Variants in RTKN observed in about 807,000 individuals in gnomAD.
RTKN encodes the protein rhotekin.
RTKN carries 49 observed loss-of-function variants against 63.5 expected under a neutral mutation model. The ratio of observed to expected loss-of-function variants is 0.77; its 90% confidence interval spans 0.61 to 0.98. The LOEUF is 0.98. Ranked by LOEUF, RTKN falls within the 50% of genes least tolerant of loss-of-function variation. The pLI, the probability that RTKN is intolerant of heterozygous loss-of-function variation, is 0.00. For synonymous variants in RTKN, 295 were observed against 290.4 expected, an observed-to-expected ratio of 1.02 and a Z score of -0.16; for missense variants, 685 against 740.8, an observed-to-expected ratio of 0.92 and a Z score of 0.87.
In RTKN at chr2:74,439,734, G is replaced by C. The variant is rs80031327; in HGVS notation, c.111+1972C>G. ...CACTGTTCCCTCAGTCTTTAAAGAG[G>C]TGGCCAGCTCTTGGGCAGAGGGCAG... On this transcript the variant is annotated intron_variant, in intron 1 of 11. Transcript: ENST00000272430. The C allele has an allele frequency of 1.8e-4, 282 of 1,542,106 alleles. No homozygotes were observed. In the African/African-American group the frequency reaches 3.4e-3, roughly 19 times the overall value.
At position 74,428,965 on chromosome 2, in the gene RTKN, T is replaced by TC. The variant is rs753259845; in HGVS notation, c.756-24dup. On this transcript the variant is annotated intron_variant, in intron 6 of 11. Transcript: ENST00000272430. Reference sequence around the variant, plus strand: ...CCACTGAGGGAGATAGGAGAGAGCATCAGCCAAGGGAGGGGCATGTTGGCC... The same window carrying TC: ...CCACTGAGGGAGATAGGAGAGAGCATCCAGCCAAGGGAGGGGCATGTTGGCC... 2.5e-6 allele frequency: 4 copies of TC among 1,594,454 alleles called. No homozygotes were observed. In the South Asian group the frequency reaches 4.4e-5, roughly 18 times the overall value.
intron 9 of RTKN, 88 bp downstream of exon 9, chr2:74,428,180 C>G: frequency 6.3e-7 from 1 of 1,576,880 alleles, no homozygotes; most frequent in Non-Finnish European, 8.7e-7. Context: ...TTCTATCTCT[C>G]TGAGGTATGT....
intron 1 of RTKN, chr2:74,439,974 C>G (rs952237375): frequency 9.2e-6 from 10 of 1,092,308 alleles, no homozygotes; most frequent in Non-Finnish European, 1.1e-5. Context: ...AGCTGTTCTC[C>G]CAGCTGTGGA....
chr2:74,426,649 A>C, intron 11 of RTKN, 75 bp from the exon 12 acceptor site: 3 of 1,486,982 alleles, frequency 2.0e-6, no homozygotes, highest in African/African-American at 1.4e-5. Flanking sequence ...CAGCCCTATC[A>C]CCTGTCACTG....
At position 74,432,507 on chromosome 2, in the gene RTKN, G is replaced by A. The variant is rs767619950; in HGVS notation, c.271C>T (p.Arg91Trp). ...RILSYMGELQ[R>W]RKEAQVLGKT... is the part of the protein sequence containing the mutation. ...CCCAGCACCTGCGCCTCCTTGCGCC[G>A]CTGCAGCTCGCCCATGTAGCTGAGG... Residue 91 changes from arginine to tryptophan, a missense_variant, in exon 2 of 12, where the codon CGG becomes TGG. Coordinates refer to ENST00000272430, the MANE Select transcript of RTKN (RefSeq NM_001015055.2). 1.9e-5 allele frequency: 30 copies of A among 1,612,970 alleles called. No individual in the cohort carries two copies. The highest frequency in any genetic ancestry group is 6.7e-5 in the East Asian group (3 of 44,878).
intron 6 of RTKN, among the ~76,000 whole-genome samples, chr2:74,429,406 A>T (rs1670609493): frequency 6.6e-6 from 1 of 152,122 alleles, no homozygotes; most frequent in African/African-American, 2.4e-5. Context: ...GCTCCAACCA[A>T]GAAGCTCTGC....
Position 74,441,916 on chromosome 2 carries a change from C to G in RTKN, c.-100G>C. On this transcript the variant is annotated 5_prime_UTR_variant, in exon 1 of 12. Transcript: ENST00000272430. ...TGTCTCTCGACGCTCGTCCGCCAGT[C>G]CGGCCGGGAATCTCCCGCTGCGGGG... 1.4e-6 allele frequency: 1 copy of G among 730,042 alleles called. No homozygotes were observed. The highest frequency in any genetic ancestry group is 2.3e-6 in the Non-Finnish European group (1 of 436,372). The allele number at this position is 730,042 out of a possible 1,614,324, so 45.2% of individuals were successfully genotyped here.
At chr2:74,432,946 T>TA (rs1198421873) in intron 1 of RTKN, among the ~76,000 whole-genome samples, 1 of 151,806 alleles carries the variant, frequency 6.6e-6, no homozygotes, top group African/African-American at 2.4e-5. Flanking sequence ...ACCCCACCTC[T>TA]AAAAAAATAT....
intron 6 of RTKN, 59 bp from the exon 7 acceptor site, chr2:74,429,001 C>CT (rs1446038107): frequency 2.9e-6 from 4 of 1,382,912 alleles, no homozygotes; most frequent in Admixed American, 1.7e-5. Context: ...AGCAGGAACT[C>CT]TAAGGGCTGA....
In RTKN at chr2:74,426,363, G is replaced by T. The variant is rs1294165598; in HGVS notation, c.1572C>A (p.Val524=). ...GAGCCCTAGGGGAGTGGTCTGGGGG[G>T]ACAGCATCCAGGGAAAAGGTTCGGG... ...GRPRTFSLDA[V]PPDHSPRARS... The change falls in exon 12 of 12, where the codon GTC becomes GTA. Residue 524 remains valine, a synonymous_variant. Coordinates refer to ENST00000272430, the MANE Select transcript of RTKN (RefSeq NM_001015055.2). 1.9e-6 allele frequency: 3 copies of T among 1,611,208 alleles called. No homozygotes were observed. Among genetic ancestry groups the T allele is most frequent in the Admixed American group, 1.7e-5 (1 of 59,864 alleles).
rs751212485 is a variant in RTKN, at chr2:74,432,521, A to T, written c.257T>A (p.Met86Lys). 1 of 1,613,554 alleles carries T rather than the reference A, an allele frequency of 6.2e-7. No homozygotes were observed. Among genetic ancestry groups the T allele is most frequent in the Non-Finnish European group, 8.5e-7 (1 of 1,179,970 alleles). ...CTCCTTGCGCCGCTGCAGCTCGCCC[A>T]TGTAGCTGAGGATGCGGCTGTTGCA... ...LVCNSRILSYMGELQRRKEAQ... is the reference protein window; with the variant it reads ...LVCNSRILSYKGELQRRKEAQ... Residue 86 changes from methionine to lysine, a missense_variant, in exon 2 of 12, where the codon ATG becomes AAG. Transcript: ENST00000272430.
Position 74,432,593 on chromosome 2 carries a change from C to G in RTKN, c.185G>C (p.Cys62Ser). The part of the protein sequence containing the change: ...REGACKLLAA[C>S]SQREQALEAT... ...CTCCAGAGCCTGCTCTCGCTGGGAG[C>G]AGGCTGCCAGCAGCTTACAGGCCCC... The change falls in exon 2 of 12, where the codon TGC (cysteine) becomes TCC (serine). Residue 62 changes from cysteine (C) to serine (S), a missense_variant. By Grantham distance (112) the Cys-to-Ser change is moderately radical. Transcript: ENST00000272430. 1.9e-6 allele frequency: 3 copies of G among 1,614,132 alleles called. No individual in the cohort carries two copies. Among genetic ancestry groups the G allele is most frequent in the Non-Finnish European group, 1.7e-6 (2 of 1,180,026 alleles).
Position 74,427,253 on chromosome 2 carries a change from C to T in RTKN, c.1276G>A (p.Asp426Asn). Residue 426 changes from aspartate (D) to asparagine (N), a missense_variant, in exon 11 of 12, where the codon GAT (aspartate) becomes AAT (asparagine). By Grantham distance (23) the Asp-to-Asn change is conservative. Coordinates refer to ENST00000272430, the MANE Select transcript of RTKN (RefSeq NM_001015055.2). ...GGAGTTTCAATTTTCATGATTTCAT[C>T]ACAGCACTGCTTCCATTGGCCTGGA... ...FDMSQWKQCC[D>N]EIMKIETPAP... 6.2e-7 allele frequency: 1 copy of T among 1,614,192 alleles called. No homozygotes were observed. Among genetic ancestry groups the T allele is most frequent in the Non-Finnish European group, 8.5e-7 (1 of 1,180,026 alleles).
Position 74,428,718 on chromosome 2 carries a change from C to A in RTKN, c.870G>T (p.Leu290=), listed in dbSNP as rs1670564439. 3 of 1,613,800 alleles carry A rather than the reference C, an allele frequency of 1.9e-6. No homozygotes were observed. In the South Asian group the frequency reaches 3.3e-5, roughly 18 times the overall value. ...GGCAACACACGCTACCATAAAGGGG[C>A]AGCCAGGCAGGGTTCTCCTCTGGGG... ...LASHEENPAW[L]PLYGSVCCRL... is the part of the protein sequence containing the mutation. Residue 290 remains leucine, a synonymous_variant, in exon 8 of 12, where the codon CTG becomes CTT. Coordinates refer to ENST00000272430, the MANE Select transcript of RTKN (RefSeq NM_001015055.2).
At chr2:74,440,015 C>T (rs908099185) in intron 1 of RTKN, 4 of 1,057,196 alleles carry the variant, frequency 3.8e-6, no homozygotes, top group South Asian at 3.3e-5. Flanking sequence ...CGACTCTGGC[C>T]GCTCCCCAGC....
chr2:74,433,242 CA>C (rs58833737), intron 1 of RTKN, among the ~76,000 whole-genome samples: 71 of 68,102 alleles, frequency 1.0e-3, no homozygotes, highest in African/African-American at 1.4e-3. Context: ...GACTCTGGCT[CA>C]AAAAAAAAAA....
intron 6 of RTKN, among the ~76,000 whole-genome samples, chr2:74,429,378 T>C (rs371720707): frequency 1.6e-4 from 24 of 152,186 alleles, no homozygotes; most frequent in South Asian, 8.3e-4. Context: ...GGTACCACCA[T>C]AGGTCCCAGG....
chr2:74,438,457 C>T (rs1030992056), intron 1 of RTKN, among the ~76,000 whole-genome samples: 1 of 152,166 alleles, frequency 6.6e-6, no homozygotes, highest in Non-Finnish European at 1.5e-5. Context: ...CCCAACCCTA[C>T]CCTCAACTTC....
Position 74,430,637 on chromosome 2 carries a change from G to C in RTKN, c.352C>G (p.Arg118Gly). The C allele has an allele frequency of 1.2e-6, 2 of 1,613,774 alleles. No homozygotes were observed. Among genetic ancestry groups the C allele is most frequent in the Non-Finnish European group, 1.7e-6 (2 of 1,179,994 alleles). Residue 118 changes from arginine to glycine, a missense_variant, in exon 3 of 12, where the codon CGC (arginine) becomes GGC (glycine). Transcript: ENST00000272430. ...SGPPAERSPC[R>G]GRVCISDLRI... ...TTACCAGAGATGCAGACCCGGCCGCGGCAGGGGGAGCGCTCAGCGGGCGGG... is the reference window on the plus strand; with the variant it reads ...TTACCAGAGATGCAGACCCGGCCGCCGCAGGGGGAGCGCTCAGCGGGCGGG...
Sources: allele counts gnomAD v4.1 joint callset (sites outside exome capture counted in the v4.1 genomes callset), GRCh38; gene constraint gnomAD v4.1.1; transcripts MANE v1.5; gene names NCBI Gene and HGNC (gene_info 2026-07-23, HGNC 2026-07-21).